The following TMEM255A variants were observed in gnomAD, a reference collection of about 807,000 sequenced individuals.
TMEM255A encodes family with sequence similarity 70, member A.
A neutral mutation model predicts 23.5 loss-of-function variants in TMEM255A; 14 were observed. That is an observed-to-expected ratio of 0.60 (90% confidence interval 0.39 to 0.93). The LOEUF is 0.93. Ranked by LOEUF, TMEM255A falls within the 40% of genes least tolerant of loss-of-function variation. TMEM255A has a pLI of 0.00. For missense variants in TMEM255A, 233 were observed against 261.7 expected, an observed-to-expected ratio of 0.89 and a Z score of 0.76; for synonymous variants, 104 against 100.3, an observed-to-expected ratio of 1.04 and a Z score of -0.22.
intron 7 of TMEM255A, among the ~76,000 whole-genome samples, chrX:120,275,415 CAG>C (rs1243346571): frequency 1.8e-5 from 2 of 112,031 alleles, no homozygotes; most frequent in Non-Finnish European, 3.8e-5. Flanking sequence ...TCCAAAACGA[CAG>C]AGTTTCTTTC....
downstream of TMEM255A, chrX:120,257,139 G>A (rs1298066875): frequency 8.2e-6 from 1 of 122,453 alleles, no homozygotes; most frequent in East Asian, 2.8e-4. Context: ...TCTGTTTTCT[G>A]TTCTGTAAGT....
At chrX:120,254,013 G>A, downstream of TMEM255A, 5 of 1,207,460 alleles carry the variant, frequency 4.1e-6, no homozygotes, top group Non-Finnish European at 3.4e-6. Flanking sequence ...TTTTTGCTCC[G>A]AGATTCTGCC....
intron 1 of TMEM255A, among the ~76,000 whole-genome samples, chrX:120,309,512 G>T (rs1416278119): frequency 1.8e-5 from 2 of 113,054 alleles, no homozygotes; most frequent in Non-Finnish European, 3.8e-5. Flanking sequence ...TGATTTGCAG[G>T]TGGTTAGGTG....
At chrX:120,254,499 TC>T (rs1556014984), downstream of TMEM255A, 1 of 1,211,768 alleles carries the variant, frequency 8.3e-7, no homozygotes, top group Non-Finnish European at 1.1e-6. Context: ...GGCTGATACC[TC>T]CCAAAATACC....
At chrX:120,283,847 A>G (rs1247414188) in intron 6 of TMEM255A, among the ~76,000 whole-genome samples, 2 of 110,825 alleles carry the variant, frequency 1.8e-5, no homozygotes, top group African/African-American at 6.6e-5. Flanking sequence ...GTACCCTTCA[A>G]TGGCCCCCAG....
chrX:120,281,009 TATATATCA>T (rs1483215845), intron 6 of TMEM255A, among the ~76,000 whole-genome samples: 1 of 112,638 alleles, frequency 8.9e-6, no homozygotes, highest in Non-Finnish European at 1.9e-5. Flanking sequence ...TGGCACTTTG[TATATATCA>T]ATAATTCAGT....
chrX:120,289,524 G>A (rs1450154454), intron 4 of TMEM255A, among the ~76,000 whole-genome samples: 2 of 111,907 alleles, frequency 1.8e-5, no homozygotes, highest in South Asian at 3.7e-4. Flanking sequence ...ATAATAATGA[G>A]AGTTGATGAG....
chrX:120,305,501 G>A (rs1242285682), intron 1 of TMEM255A, among the ~76,000 whole-genome samples: 10 of 110,539 alleles, frequency 9.0e-5, no homozygotes, highest in African/African-American at 3.0e-4. Context: ...GGAGGATGAA[G>A]CAGTGAGGAG....
chrX:120,311,362 G>T lies in TMEM255A; in HGVS notation c.-53C>A, dbSNP rs940660878. ...CCCGAAGCTGCTTCAAGCGCCCCCG[G>T]CTCTGGGCGCCCCGCAGAGCATCCT... On this transcript the variant is annotated 5_prime_UTR_variant, in exon 1 of 9. Coordinates refer to ENST00000371369, the MANE Select transcript of TMEM255A (RefSeq NM_001104544.3). 5 of 1,043,037 alleles carry T rather than the reference G, an allele frequency of 4.8e-6. No individual in the cohort carries two copies. Among genetic ancestry groups the T allele is most frequent in the Non-Finnish European group, 5.3e-6 (4 of 760,208 alleles). The allele number at this position is 1,043,037 out of a possible 1,213,427, so 86.0% of individuals were successfully genotyped here.
rs531582450 is a variant in TMEM255A, at chrX:120,289,635, C to T, written c.354+1616G>A. On this transcript the variant is annotated intron_variant, in intron 4 of 8. Transcript: ENST00000371369. ...GCAGTTCCTCAAACAAATAAACATA[C>T]TTACTATATGATCCAGCAGTTATAC... 4.5e-5 allele frequency among the ~76,000 whole-genome samples: 5 copies of T among 111,701 alleles called. No individual in the cohort carries two copies. In the East Asian group the frequency reaches 8.3e-4, roughly 19 times the overall value.
At chrX:120,264,088 C>A (rs1556017123) in intron 8 of TMEM255A, among the ~76,000 whole-genome samples, 1 of 111,389 alleles carries the variant, frequency 9.0e-6, no homozygotes. Flanking sequence ...GGAAAGGGAC[C>A]ATTCCATGGT....
chrX:120,264,715 G>A (rs1197215100), intron 8 of TMEM255A, among the ~76,000 whole-genome samples: 3 of 109,874 alleles, frequency 2.7e-5, no homozygotes, highest in African/African-American at 9.9e-5. Context: ...TTTTCTGGCT[G>A]TAACTTAGGT....
chrX:120,286,512 G>A (rs782380309), intron 5 of TMEM255A, among the ~76,000 whole-genome samples: 40 of 111,909 alleles, frequency 3.6e-4, no homozygotes, highest in African/African-American at 1.3e-3. Flanking sequence ...GCCTCACTAC[G>A]CATTGCATCT....
chrX:120,289,849 C>T (rs550229213), intron 4 of TMEM255A, among the ~76,000 whole-genome samples: 4 of 111,299 alleles, frequency 3.6e-5, no homozygotes, highest in Admixed American at 1.9e-4. Context: ...GTCCATAAAA[C>T]GGAATGAAGT....
At chrX:120,300,219 T>C (rs1182627792) in intron 2 of TMEM255A, among the ~76,000 whole-genome samples, 1 of 111,493 alleles carries the variant, frequency 9.0e-6, no homozygotes, top group Non-Finnish European at 1.9e-5. Flanking sequence ...CACCCTCCCC[T>C]GTCTCTTTCA....
At chrX:120,273,750 T>G (rs1407309026) in intron 7 of TMEM255A, among the ~76,000 whole-genome samples, 1 of 112,035 alleles carries the variant, frequency 8.9e-6, no homozygotes. Flanking sequence ...TGTTTATAAT[T>G]TTTTTTGAGA....
Position 120,304,462 on chromosome X carries a change from T to C in TMEM255A, c.88A>G (p.Ile30Val). The change falls in exon 2 of 9, where the codon ATC (isoleucine) becomes GTC (valine). Residue 30 changes from isoleucine to valine, a missense_variant. Ile to Val is a conservative substitution (Grantham distance 29, BLOSUM62 3). Transcript: ENST00000371369. ...GAFNRRKRNS[I>V]YVTVTLLIVS... ...ATAAGCAAAGTCACGGTGACATAGA[T>C]GGAGTTTCGTTTCCTCCGATTGAAT... is the stretch of plus-strand genomic sequence containing the variant. The C allele has an allele frequency of 1.7e-6, 2 of 1,210,325 alleles. No homozygotes were observed. Among genetic ancestry groups the C allele is most frequent in the South Asian group, 1.8e-5 (1 of 56,736 alleles).
chrX:120,268,863 G>A (rs1556018112), intron 7 of TMEM255A, among the ~76,000 whole-genome samples: 1 of 111,713 alleles, frequency 9.0e-6, no homozygotes, highest in African/African-American at 3.3e-5. Flanking sequence ...TTAAAAACAA[G>A]AATTAAAAAG....
intron 2 of TMEM255A, among the ~76,000 whole-genome samples, chrX:120,297,441 G>T (rs2058004324): frequency 9.3e-6 from 1 of 107,618 alleles, no homozygotes; most frequent in Admixed American, 1.1e-4. Context: ...TCAGCAGGCA[G>T]GGAACTAATA....
Sources: gnomAD v4.1 joint callset for allele counts (sites outside exome capture counted in the v4.1 genomes callset) on GRCh38, gnomAD v4.1.1 for gene constraint, MANE v1.5 for transcripts, NCBI Gene and HGNC (gene_info 2026-07-23, HGNC 2026-07-21) for gene names.